Variants in GNG7 observed in about 807,000 individuals in gnomAD.
GNG7 encodes the protein guanine nucleotide-binding protein G(I)/G(S)/G(O) subunit gamma-7.
A neutral mutation model predicts 4.0 loss-of-function variants in GNG7; 1 was observed. The observed-to-expected ratio is 0.25, with a 90% CI of 0.09 to 1.18. The LOEUF (loss-of-function observed/expected upper bound fraction) is 1.18, where lower values mean the gene tolerates loss of function less well. Ranked by LOEUF, GNG7 falls within the 50% of genes most tolerant of loss-of-function variation. GNG7 has a pLI of 0.50. For synonymous variants in GNG7, 34 were observed against 36.9 expected (o/e 0.92, Z 0.29); for missense variants, 86 against 91.9 (o/e 0.94, Z 0.26).
At chr19:2,587,181 G>A (rs368984402) in intron 2 of GNG7, among the ~76,000 whole-genome samples, 40 of 151,854 alleles carry the variant, frequency 2.6e-4, no homozygotes, top group African/African-American at 8.2e-4. Flanking sequence ...GAGTTGCGGC[G>A]GCAAGAAGAC....
In GNG7 at chr19:2,540,136, GTCTC is replaced by G. The variant is rs777968940; in HGVS notation, c.-38+15009_-38+15012del. On this transcript the variant is annotated intron_variant, in intron 3 of 4. Transcript: ENST00000382159. ...TTTTCTTTTCTCCTTCCTTCCTTCC[GTCTC>G]TCTCTCTCTTTCTTTCTTTTTCTTC... Among the ~76,000 whole-genome samples the G allele has an allele frequency of 6.2e-5, 8 of 129,994 alleles. No individual in the cohort carries two copies. The East Asian group carries it at 1.5e-3, about 24-fold the overall frequency. 85.3% of individuals were successfully genotyped at this position (129,994 alleles called of 152,430 possible). A position where few individuals can be genotyped will look rare whatever the true frequency, so the allele number is the denominator to read the frequency against.
At chr19:2,606,643 G>A (rs1981391300) in intron 2 of GNG7, among the ~76,000 whole-genome samples, 2 of 140,310 alleles carry the variant, frequency 1.4e-5, no homozygotes, top group African/African-American at 5.4e-5. Flanking sequence ...CAACAAGAGT[G>A]AAACTCTGTC....
At position 2,513,519 on chromosome 19, in the gene GNG7, C is replaced by T. The variant is rs959575914; in HGVS notation, c.*1503G>A. On this transcript the variant is annotated 3_prime_UTR_variant, in exon 5 of 5. Coordinates refer to ENST00000382159, the MANE Select transcript of GNG7 (RefSeq NM_052847.3). ...CGCAGTCATCTTTCAGAAGCCTCCCCCCGACCCCATGACATCTTCGATTTC... is the reference window on the plus strand; with the variant it reads ...CGCAGTCATCTTTCAGAAGCCTCCCTCCGACCCCATGACATCTTCGATTTC... 1.2e-5 allele frequency: 12 copies of T among 985,640 alleles called. No homozygotes were observed. Among genetic ancestry groups the T allele is most frequent in the Non-Finnish European group, 1.4e-5 (12 of 830,088 alleles). 61.1% of individuals were successfully genotyped at this position (985,640 alleles called of 1,614,324 possible).
At chr19:2,679,007 C>T (rs1004881852) in intron 1 of GNG7, among the ~76,000 whole-genome samples, 1 of 152,142 alleles carries the variant, frequency 6.6e-6, no homozygotes, top group Non-Finnish European at 1.5e-5. Flanking sequence ...TGGTCCACGC[C>T]CATGGTGTCC....
intron 1 of GNG7, among the ~76,000 whole-genome samples, chr19:2,657,864 G>T (rs1021161319): frequency 1.3e-5 from 2 of 152,134 alleles, no homozygotes; most frequent in African/African-American, 4.8e-5. Flanking sequence ...AGTACTAAAA[G>T]TCTCTGAAAT....
intron 1 of GNG7, among the ~76,000 whole-genome samples, chr19:2,693,727 C>T (rs184834651): frequency 4.6e-4 from 70 of 152,234 alleles, no homozygotes; most frequent in African/African-American, 1.7e-3. Context: ...TGTCCCCAGA[C>T]GTTGCTCAGT....
At chr19:2,685,571 G>A (rs376013329) in intron 1 of GNG7, among the ~76,000 whole-genome samples, 82 of 152,260 alleles carry the variant, frequency 5.4e-4, no homozygotes, top group African/African-American at 2.0e-3. Context: ...GCTGCAGGGA[G>A]CTGTGATCGC....
At chr19:2,525,963 C>G (rs1364309479) in intron 3 of GNG7, among the ~76,000 whole-genome samples, 1 of 76,522 alleles carries the variant, frequency 1.3e-5, no homozygotes, top group Admixed American at 1.5e-4. Flanking sequence ...GTGCCTGCCT[C>G]CACGCCAATT....
intron 2 of GNG7, among the ~76,000 whole-genome samples, chr19:2,602,338 A>AAAC (rs10633644): frequency 0.14 from 21,998 of 151,846 alleles, 3,491 homozygotes; most frequent in African/African-American, 0.36. Context: ...CTCCGTCTCA[A>AAAC]AACAACAACA....
At chr19:2,690,073 T>C (rs1254273315) in intron 1 of GNG7, among the ~76,000 whole-genome samples, 1 of 151,926 alleles carries the variant, frequency 6.6e-6, no homozygotes, top group Non-Finnish European at 1.5e-5. Flanking sequence ...TTCCTTTGAC[T>C]TTTTTTTCCA....
chr19:2,537,057 C>T (rs1217638809), intron 3 of GNG7, among the ~76,000 whole-genome samples: 1 of 151,836 alleles, frequency 6.6e-6, no homozygotes, highest in African/African-American at 2.4e-5. Context: ...CGCCATTCTC[C>T]TGCCTCAGCC....
intron 2 of GNG7, among the ~76,000 whole-genome samples, chr19:2,641,351 G>A (rs1048825295): frequency 6.6e-6 from 1 of 152,186 alleles, no homozygotes; most frequent in Admixed American, 6.5e-5. Flanking sequence ...ATGTCAAAAG[G>A]GACCGCAGAT....
At chr19:2,580,600 G>A (rs1272013080) in intron 2 of GNG7, among the ~76,000 whole-genome samples, 3 of 151,068 alleles carry the variant, frequency 2.0e-5, no homozygotes, top group Non-Finnish European at 3.0e-5. Flanking sequence ...TCTGTGCCTG[G>A]TTCTGTTTTA....
At chr19:2,555,089 T>A (rs1484517998) in intron 3 of GNG7, 60 bp downstream of exon 3, 2 of 152,142 alleles carry the variant, frequency 1.3e-5, no homozygotes, top group African/African-American at 4.8e-5. Context: ...GGCTTGTTTG[T>A]TCCTTTTTCT....
rs200824074 is a variant in GNG7, at chr19:2,527,771, GA to G, written c.-37-7047del. On this transcript the variant is annotated intron_variant, in intron 3 of 4. Coordinates refer to ENST00000382159, the MANE Select transcript of GNG7 (RefSeq NM_052847.3). Reference sequence around the variant, plus strand: ...CTGGTCTCCACCCACTCCTTGCCAGGAAACCCCCCCCCCCACCAGTGCGCCC... The same window carrying G: ...CTGGTCTCCACCCACTCCTTGCCAGGAACCCCCCCCCCCACCAGTGCGCCC... Among the ~76,000 whole-genome samples, 944 of 136,916 alleles carry G rather than the reference GA, an allele frequency of 6.9e-3. 19 individuals are homozygous for G. Among genetic ancestry groups the G allele is most frequent in the African/African-American group, 0.027 (831 of 30,248 alleles). The allele number at this position is 136,916 out of a possible 152,430, so 89.8% of individuals were successfully genotyped here. A position where few individuals can be genotyped will look rare whatever the true frequency, so the allele number is the denominator to read the frequency against.
intron 1 of GNG7, among the ~76,000 whole-genome samples, chr19:2,691,509 A>G (rs1345165892): frequency 6.6e-6 from 1 of 151,650 alleles, no homozygotes; most frequent in Admixed American, 6.6e-5. Context: ...GCATCACTAC[A>G]CTCCGGCCTG....
intron 1 of GNG7, among the ~76,000 whole-genome samples, chr19:2,663,497 C>G (rs1002624330): frequency 6.6e-6 from 1 of 152,166 alleles, no homozygotes; most frequent in African/African-American, 2.4e-5. Context: ...AAACAAATCT[C>G]TATTATTTAT....
chr19:2,662,280 AT>A (rs1983201899), intron 1 of GNG7, among the ~76,000 whole-genome samples: 2 of 143,082 alleles, frequency 1.4e-5, no homozygotes. Context: ...AAAAAAAAAA[AT>A]CAACCCAAGA....
intron 1 of GNG7, among the ~76,000 whole-genome samples, chr19:2,697,431 C>T (rs953673162): frequency 1.3e-5 from 2 of 152,088 alleles, no homozygotes; most frequent in African/African-American, 4.8e-5. Flanking sequence ...CCCTCGGGGG[C>T]CGCTGTGTGA....
Sources: allele counts gnomAD v4.1 joint callset (sites outside exome capture counted in the v4.1 genomes callset), GRCh38; gene constraint gnomAD v4.1.1; transcripts MANE v1.5; gene names NCBI Gene and HGNC (gene_info 2026-07-23, HGNC 2026-07-21).